The following FARS2 variants were observed in gnomAD, a reference collection of about 807,000 sequenced individuals.
FARS2 encodes phenylalanyl-tRNA synthetase 2, mitochondrial, also known as phenylalanine--tRNA ligase, mitochondrial.
Under a neutral mutation model 46.4 loss-of-function variants are expected in FARS2, and 40 were observed. That is an observed-to-expected ratio of 0.86 (90% CI 0.67 to 1.12). The LOEUF (loss-of-function observed/expected upper bound fraction) is 1.12. Ranked by LOEUF, FARS2 falls within the 50% of genes most tolerant of loss-of-function variation. The pLI is 0.00. For missense variants in FARS2, 513 were observed against 567.9 expected (o/e 0.90, Z 0.98); for synonymous variants, 234 against 214.9 (o/e 1.09, Z -0.78).
chr6:5,631,184 A>G (rs1345361532), intron 6 of FARS2, among the ~76,000 whole-genome samples: 2 of 152,334 alleles, frequency 1.3e-5, no homozygotes, highest in African/African-American at 4.8e-5. Context: ...AACAGATAAG[A>G]GTTGATTATA....
At position 5,764,193 on chromosome 6, in the gene FARS2, T is replaced by C. The variant is rs1762635229; in HGVS notation, c.1218-7098T>C. On this transcript the variant is annotated intron_variant, in intron 6 of 6. Coordinates refer to ENST00000274680, the MANE Select transcript of FARS2 (RefSeq NM_006567.5). The surrounding 1 kb of genome is among the most constrained non-coding windows in gnomAD (Gnocchi z 4.1). The stretch of plus-strand genomic sequence containing the variant: ...TCGCCTCACTCTGCAGATGGAGTTA[T>C]TGAGGCGAGAAGGGTGATGTAAGCT... 6.6e-6 allele frequency among the ~76,000 whole-genome samples: 1 copy of C among 152,092 alleles called. No homozygotes were observed. The highest frequency in any genetic ancestry group is 2.4e-5 in the African/African-American group (1 of 41,408).
chr6:5,618,604 T>A (rs1169382815), intron 6 of FARS2, among the ~76,000 whole-genome samples: 1 of 152,046 alleles, frequency 6.6e-6, no homozygotes, highest in Non-Finnish European at 1.5e-5. Flanking sequence ...ATTAGACAAA[T>A]GGAGAAATTT....
chr6:5,625,206 G>A (rs915096929), intron 6 of FARS2, among the ~76,000 whole-genome samples: 1 of 152,170 alleles, frequency 6.6e-6, no homozygotes, highest in African/African-American at 2.4e-5. Flanking sequence ...AAGTCTCAAG[G>A]ATATGCAGGT....
intron 4 of FARS2, among the ~76,000 whole-genome samples, chr6:5,514,508 G>A (rs926974982): frequency 2.0e-5 from 3 of 152,172 alleles, no homozygotes; most frequent in South Asian, 4.1e-4. Flanking sequence ...TTAAAGTTGG[G>A]ACATTCTGGC....
chr6:5,484,091 A>T (rs955930287), intron 4 of FARS2, among the ~76,000 whole-genome samples: 13 of 152,200 alleles, frequency 8.5e-5, no homozygotes, highest in African/African-American at 3.1e-4. Flanking sequence ...CAACAGAATG[A>T]GTGAGACCCT....
At chr6:5,747,871 C>T (rs566833216) in intron 6 of FARS2, among the ~76,000 whole-genome samples, 11 of 152,304 alleles carry the variant, frequency 7.2e-5, no homozygotes, top group African/African-American at 2.4e-4. Context: ...AGATGCTTCT[C>T]TTTTTAAAAT....
chr6:5,754,311 A>T (rs1259577368), intron 6 of FARS2, among the ~76,000 whole-genome samples: 1 of 152,188 alleles, frequency 6.6e-6, no homozygotes, highest in African/African-American at 2.4e-5. Context: ...TCCAGGGAGT[A>T]GTCGGATCTC....
chr6:5,679,458 C>G lies in FARS2; in HGVS notation c.1217+66138C>G, dbSNP rs867046620. Among the ~76,000 whole-genome samples, 12 of 152,148 alleles carry G rather than the reference C, an allele frequency of 7.9e-5. 1 individual carries two copies. The highest frequency in any genetic ancestry group is 2.7e-4 in the African/African-American group (11 of 41,430). ...CAGATTGCCTGGGGTTATTTATGTCCTCCTGCCTCCTCCAGCTCTAAATTC... is the reference window on the plus strand; with the variant it reads ...CAGATTGCCTGGGGTTATTTATGTCGTCCTGCCTCCTCCAGCTCTAAATTC... On this transcript the variant is annotated intron_variant, in intron 6 of 6. Transcript: ENST00000274680.
chr6:5,469,089 A>G (rs754043339), intron 4 of FARS2, among the ~76,000 whole-genome samples: 2 of 152,238 alleles, frequency 1.3e-5, no homozygotes, highest in African/African-American at 4.8e-5. Context: ...CGAGACTGAC[A>G]TGAATCCCTT....
chr6:5,644,815 T>A (rs966353525), intron 6 of FARS2, among the ~76,000 whole-genome samples: 1 of 152,242 alleles, frequency 6.6e-6, no homozygotes, highest in African/African-American at 2.4e-5. Context: ...TTTTTAAAAT[T>A]CTTACCCTCT....
intron 5 of FARS2, among the ~76,000 whole-genome samples, chr6:5,575,920 A>G (rs546236460): frequency 1.3e-5 from 2 of 152,194 alleles, no homozygotes; most frequent in South Asian, 2.1e-4. Flanking sequence ...TTTTCAATGC[A>G]TTGTGTCAGG....
chr6:5,554,760 AGTT>A (rs1554108965), intron 5 of FARS2, among the ~76,000 whole-genome samples: 1 of 152,206 alleles, frequency 6.6e-6, no homozygotes, highest in Non-Finnish European at 1.5e-5. Context: ...GTCAGCAAGT[AGTT>A]CAACCATAAC....
At chr6:5,336,892 A>G (rs1258275216) in intron 1 of FARS2, among the ~76,000 whole-genome samples, 1 of 152,090 alleles carries the variant, frequency 6.6e-6, no homozygotes, top group Non-Finnish European at 1.5e-5. Context: ...GGTCAAATGT[A>G]TGTATCTTTC....
At chr6:5,719,396 T>A (rs76959712) in intron 6 of FARS2, among the ~76,000 whole-genome samples, 289 of 123,020 alleles carry the variant, frequency 2.3e-3, no homozygotes, top group African/African-American at 2.5e-3. Flanking sequence ...CAAAAAAAAT[T>A]AAAAAAAAAA....
intron 4 of FARS2, among the ~76,000 whole-genome samples, chr6:5,477,690 A>G (rs1367239417): frequency 6.6e-6 from 1 of 152,166 alleles, no homozygotes; most frequent in Non-Finnish European, 1.5e-5. Context: ...ATTAACTGAT[A>G]TCTTTTGAGG....
At position 5,750,310 on chromosome 6, in the gene FARS2, C is replaced by T. The variant is rs192562842; in HGVS notation, c.1218-20981C>T. ...TAGAGGAAGGGGAAGAACATGCCCTCGTGGGAGTGATGACTGGGCACCCTT... is the reference window on the plus strand; with the variant it reads ...TAGAGGAAGGGGAAGAACATGCCCTTGTGGGAGTGATGACTGGGCACCCTT... On this transcript the variant is annotated intron_variant, in intron 6 of 6. Transcript: ENST00000274680. Among the ~76,000 whole-genome samples, 275 of 152,126 alleles carry T rather than the reference C, an allele frequency of 1.8e-3. 1 individual carries two copies. The highest frequency in any genetic ancestry group is 6.1e-3 in the African/African-American group (254 of 41,504).
chr6:5,403,602 C>T (rs1562014721), intron 2 of FARS2, among the ~76,000 whole-genome samples: 3 of 152,038 alleles, frequency 2.0e-5, no homozygotes, highest in African/African-American at 7.2e-5. Context: ...TTCTTCAATG[C>T]TGTTAAGAAT....
intron 2 of FARS2, among the ~76,000 whole-genome samples, chr6:5,396,474 T>G (rs887350937): frequency 6.6e-6 from 1 of 152,122 alleles, no homozygotes; most frequent in Non-Finnish European, 1.5e-5. Flanking sequence ...GGTATAAAAG[T>G]ATGAGGATTT....
intron 5 of FARS2, among the ~76,000 whole-genome samples, chr6:5,598,563 T>C (rs1358299089): frequency 1.3e-5 from 2 of 152,192 alleles, no homozygotes; most frequent in Non-Finnish European, 2.9e-5. Flanking sequence ...ATAACCACTT[T>C]CCCTGGGTAT....
Sources: gnomAD v4.1 joint callset for allele counts (sites outside exome capture counted in the v4.1 genomes callset) on GRCh38, gnomAD v4.1.1 for gene constraint, Gnocchi (gnomAD v3.1) non-coding constraint, MANE v1.5 for transcripts, NCBI Gene and HGNC (gene_info 2026-07-23, HGNC 2026-07-21) for gene names.